The following DHX36 variants were observed in gnomAD, a reference collection of about 807,000 sequenced individuals.
DHX36 encodes ATP-dependent DNA/RNA helicase DHX36.
A neutral mutation model predicts 139.0 loss-of-function variants in DHX36; 50 were observed. The observed-to-expected ratio is 0.36, with a 90% CI of 0.29 to 0.46. The LOEUF (loss-of-function observed/expected upper bound fraction) is 0.46. Among genes scored for constraint, DHX36 ranks in the 20% least tolerant of loss-of-function variants. The probability of loss-of-function intolerance (pLI) is 1.00; values close to 1 mark genes in which losing one functional copy is unlikely to be tolerated. For synonymous variants in DHX36, 425 were observed against 401.9 expected (o/e 1.06, Z -0.69); for missense variants, 1,024 against 1,211.3 (o/e 0.85, Z 2.29).
rs890457665 is a variant in DHX36 at position 154,305,286 on chromosome 3, C to G, written c.894-118G>C. 3 of 865,526 alleles carry G rather than the reference C, an allele frequency of 3.5e-6. No individual in the cohort carries two copies. In the African/African-American group the frequency reaches 5.2e-5, roughly 15 times the overall value. 53.6% of individuals were successfully genotyped at this position (865,526 alleles called of 1,614,324 possible). ...TTCAGTTTTAATGAAAATCTTCACACTTAATTTTTTACTTATAAGAACACC... is the reference window on the plus strand; with the variant it reads ...TTCAGTTTTAATGAAAATCTTCACAGTTAATTTTTTACTTATAAGAACACC... On this transcript the variant is annotated intron_variant, in intron 6 of 24. Coordinates refer to ENST00000496811, the MANE Select transcript of DHX36 (RefSeq NM_020865.3).
intron 24 of DHX36, 32 bp downstream of exon 24, chr3:154,276,715 T>C (rs759318435): frequency 3.1e-6 from 5 of 1,606,002 alleles, no homozygotes; most frequent in Admixed American, 1.7e-5. Flanking sequence ...GACTTACATG[T>C]AGATTTAAGA....
At chr3:154,321,000 G>A (rs1317215483) in intron 1 of DHX36, among the ~76,000 whole-genome samples, 2 of 152,092 alleles carry the variant, frequency 1.3e-5, no homozygotes, top group Admixed American at 6.6e-5. Context: ...AAGGCCCCGC[G>A]TATTTTTCTA....
At chr3:154,294,684 T>A (rs532632440) in intron 13 of DHX36, among the ~76,000 whole-genome samples, 1 of 152,076 alleles carries the variant, frequency 6.6e-6, no homozygotes, top group African/African-American at 2.4e-5. Context: ...TATTTTCTTA[T>A]AAAAAGAGAA....
intron 22 of DHX36, among the ~76,000 whole-genome samples, chr3:154,278,166 A>G (rs1425062871): frequency 6.6e-6 from 1 of 152,152 alleles, no homozygotes; most frequent in African/African-American, 2.4e-5. Flanking sequence ...GATTTACAAA[A>G]TAACTGTAAA....
In DHX36 at chr3:154,304,660, T is replaced by C. The variant is rs550215134; in HGVS notation, c.1135+146A>G. On this transcript the variant is annotated intron_variant, in intron 8 of 24. Coordinates refer to ENST00000496811, the MANE Select transcript of DHX36 (RefSeq NM_020865.3). Reference sequence around the variant, plus strand: ...TTTAAAAATAGACCCAATTGTCTAATCCATGAAACTGGAGGGTAGAATAAT... The same window carrying C: ...TTTAAAAATAGACCCAATTGTCTAACCCATGAAACTGGAGGGTAGAATAAT... The C allele has an allele frequency of 7.2e-4, 433 of 599,010 alleles. 1 individual carries two copies. Among genetic ancestry groups the C allele is most frequent in the Non-Finnish European group, 1.0e-3 (393 of 380,468 alleles). The allele number at this position is 599,010 out of a possible 1,614,324, so 37.1% of individuals were successfully genotyped here.
At position 154,280,826 on chromosome 3, in the gene DHX36, G is replaced by C; in HGVS notation, c.2413C>G (p.Leu805Val). The C allele has an allele frequency of 1.2e-6, 2 of 1,613,574 alleles. No homozygotes were observed. The highest frequency in any genetic ancestry group is 1.7e-6 in the Non-Finnish European group (2 of 1,179,794). ...CTGCTTACAAATCCAGCTCCAAGAA[G>C]ATGCTCAGCAAACTGTCCTTTCATG... ...HNMKGQFAEH[L>V]LGAGFVSSRN... Residue 805 changes from leucine to valine, a missense_variant, in exon 21 of 25, where the codon CTT becomes GTT. Physicochemically the swap from Leu to Val is conservative, Grantham distance 32. This residue lies in a region of DHX36 where 470 missense variants were observed against 616.2 expected (regional missense o/e 0.76). Transcript: ENST00000496811.
chr3:154,311,812 T>C (rs1043064574), intron 3 of DHX36, 138 bp from the exon 4 acceptor site: 1 of 569,774 alleles, frequency 1.8e-6, no homozygotes, highest in Non-Finnish European at 2.9e-6. Flanking sequence ...TGTAAAAACA[T>C]TATAAAGAAT....
In DHX36 at chr3:154,283,289, G is replaced by A. The variant is rs572992796; in HGVS notation, c.2293-18C>T. 1.9e-6 allele frequency: 3 copies of A among 1,560,816 alleles called. No homozygotes were observed. In the African/African-American group the frequency reaches 4.1e-5, roughly 21 times the overall value. ...TCCCAGCCCTATGGGGCAAAGAAAT[G>A]AAGAAATCTATATTTCTCCCGCAAA... On this transcript the variant is annotated intron_variant, in intron 19 of 24. Transcript: ENST00000496811.
rs2666194 is a variant in DHX36 at position 154,288,952 on chromosome 3, C to G, written c.1945G>C (p.Gly649Arg). The G allele has an allele frequency of 1.9e-6, 3 of 1,560,908 alleles. No homozygotes were observed. Among genetic ancestry groups the G allele is most frequent in the Non-Finnish European group, 2.6e-6 (3 of 1,149,330 alleles). The change falls in exon 17 of 25, where the codon GGT (glycine) becomes CGT (arginine). Residue 649 changes from glycine (G) to arginine (R), a missense_variant. Gly to Arg is a moderately radical substitution (Grantham distance 125). This residue lies in a region of DHX36 where 470 missense variants were observed against 616.2 expected (regional missense o/e 0.76). Coordinates refer to ENST00000496811, the MANE Select transcript of DHX36 (RefSeq NM_020865.3). ...LCLQIKILRL[G>R]GIAYFLSRLM... ...CTACTCAGAAAATAAGCAATTCCACCTAGCCTTAAAATCTAAGTGGGGGAG... is the reference window on the plus strand; with the variant it reads ...CTACTCAGAAAATAAGCAATTCCACGTAGCCTTAAAATCTAAGTGGGGGAG...
chr3:154,305,267 T>C, intron 6 of DHX36, 99 bp from the exon 7 acceptor site: 2 of 1,052,980 alleles, frequency 1.9e-6, no homozygotes, highest in Admixed American at 5.6e-5. Context: ...TGCTTTCAGT[T>C]TTAATGAAAA....
At chr3:154,285,079 T>C (rs1711509180) in intron 17 of DHX36, 92 bp from the exon 18 acceptor site, 1 of 1,309,152 alleles carries the variant, frequency 7.6e-7, no homozygotes, top group Non-Finnish European at 1.1e-6. Context: ...AACAAGCCAC[T>C]ACTCTCTCTT....
At position 154,301,031 on chromosome 3, in the gene DHX36, T is replaced by C. The variant is rs763540777; in HGVS notation, c.1314A>G (p.Ile438Met). ...NRQEKEEKEA[I>M]YKERWPDYVR... ...CATAATCTGGCCAACGTTCTTTATA[T>C]ATTGCTTCTTTTTCTTCTTTTTCTT... The change falls in exon 10 of 25, where the codon ATA (isoleucine) becomes ATG (methionine). Residue 438 changes from isoleucine to methionine, a missense_variant. Ile to Met is a conservative substitution (Grantham distance 10). Coordinates refer to ENST00000496811, the MANE Select transcript of DHX36 (RefSeq NM_020865.3). 4 of 1,613,534 alleles carry C rather than the reference T, an allele frequency of 2.5e-6. No homozygotes were observed. The highest frequency in any genetic ancestry group is 4.5e-5 in the East Asian group (2 of 44,826).
chr3:154,322,663 G>A (rs1329380628), intron 1 of DHX36, among the ~76,000 whole-genome samples: 68 of 152,266 alleles, frequency 4.5e-4, no homozygotes, highest in Middle Eastern at 6.8e-3. Context: ...CTGCACAACT[G>A]GCTATACCCT....
chr3:154,288,809 G>T, intron 17 of DHX36, 57 bp downstream of exon 17: 2 of 996,750 alleles, frequency 2.0e-6, no homozygotes, highest in East Asian at 2.7e-5. Flanking sequence ...ATAATTAACT[G>T]GTTTACATGC....
chr3:154,284,762 G>A (rs1711504967), intron 18 of DHX36, 52 bp downstream of exon 18: 1 of 1,601,904 alleles, frequency 6.2e-7, no homozygotes, highest in African/African-American at 1.3e-5. Context: ...ATATATCTAA[G>A]CAACTCCTGT....
chr3:154,321,146 A>G (rs1198920507), intron 1 of DHX36, among the ~76,000 whole-genome samples: 1 of 152,242 alleles, frequency 6.6e-6, no homozygotes, highest in African/African-American at 2.4e-5. Context: ...TTATTTTACA[A>G]AACTTTTCAT....
intron 1 of DHX36, among the ~76,000 whole-genome samples, chr3:154,317,014 A>G (rs1182802269): frequency 6.6e-6 from 1 of 152,032 alleles, no homozygotes; most frequent in Non-Finnish European, 1.5e-5. Flanking sequence ...CCAAAGGAGG[A>G]GGAAGGTAAA....
At chr3:154,295,478 A>G in intron 12 of DHX36, 139 bp from the exon 13 acceptor site, 2 of 432,694 alleles carry the variant, frequency 4.6e-6, no homozygotes, top group South Asian at 4.6e-5. Flanking sequence ...TAATGAAAAC[A>G]GCTAAACCAT....
At chr3:154,277,460 G>T in intron 23 of DHX36, 138 bp downstream of exon 23, 1 of 693,702 alleles carries the variant, frequency 1.4e-6, no homozygotes. Context: ...TTATTTGTTA[G>T]AGGGAAAAAG....
Sources: gnomAD v4.1 joint callset for allele counts (sites outside exome capture counted in the v4.1 genomes callset) on GRCh38, gnomAD v4.1.1 for gene constraint, gnomAD v4.1.1 regional missense constraint, MANE v1.5 for transcripts, NCBI Gene and HGNC (gene_info 2026-07-23, HGNC 2026-07-21) for gene names.